Variants in RBFOX1 observed in about 807,000 individuals in gnomAD.
RBFOX1 encodes the protein RNA binding protein fox-1 homolog 1.
Under a neutral mutation model 57.7 loss-of-function variants are expected in RBFOX1, and 8 were observed. The ratio of observed to expected loss-of-function variants is 0.14; its 90% confidence interval spans 0.08 to 0.25. The LOEUF (loss-of-function observed/expected upper bound fraction) is 0.25. RBFOX1 is among the 10% of genes least tolerant of loss of function. The probability of loss-of-function intolerance (pLI) is 1.00; values close to 1 mark genes in which losing one functional copy is unlikely to be tolerated. For missense variants in RBFOX1, 611 were observed against 548.5 expected (o/e 1.11, Z -1.14); for synonymous variants, 326 against 222.4 (o/e 1.47, Z -4.15).
chr16:6,091,604 C>T (rs537564772), intron 1 of RBFOX1, among the ~76,000 whole-genome samples: 46 of 152,104 alleles, frequency 3.0e-4, no homozygotes, highest in African/African-American at 1.0e-3. Flanking sequence ...CTGAGGCAGG[C>T]GGATCACCTG....
intron 4 of RBFOX1, among the ~76,000 whole-genome samples, chr16:7,371,514 A>G (rs4386153): frequency 9.2e-5 from 14 of 152,028 alleles, no homozygotes; most frequent in Admixed American, 9.2e-4. Flanking sequence ...CTCTGGGAGG[A>G]TGAGGCAGGC....
intron 4 of RBFOX1, among the ~76,000 whole-genome samples, chr16:7,494,121 A>G (rs2151622739): frequency 6.6e-6 from 1 of 152,322 alleles, no homozygotes; most frequent in African/African-American, 2.4e-5. Context: ...GCTATAATAG[A>G]TAAAGGTGAG....
rs117024625 is a variant in RBFOX1, at chr16:5,331,886, G to T, written c.219+91781G>T. Among the ~76,000 whole-genome samples the T allele has an allele frequency of 1.4e-3, 214 of 152,354 alleles. 3 individuals are homozygous for T. In the East Asian group the frequency reaches 0.034, roughly 24 times the overall value. On this transcript the variant is annotated intron_variant, in intron 1 of 2. Transcript: ENST00000585867. Reference sequence around the variant, plus strand: ...CCCTGTGTTCCAGTGGGGTCTGCATGTTCTTCCCTTCCATCTAAAAGCCTC... The same window carrying T: ...CCCTGTGTTCCAGTGGGGTCTGCATTTTCTTCCCTTCCATCTAAAAGCCTC...
At chr16:6,560,495 A>G (rs2097166513) in intron 2 of RBFOX1, among the ~76,000 whole-genome samples, 1 of 152,094 alleles carries the variant, frequency 6.6e-6, no homozygotes, top group South Asian at 2.1e-4. Context: ...CTAAGGCTTG[A>G]GAGTAGCCGT....
chr16:7,523,039 C>T (rs1436833701), intron 5 of RBFOX1, among the ~76,000 whole-genome samples: 2 of 152,158 alleles, frequency 1.3e-5, no homozygotes, highest in Non-Finnish European at 2.9e-5. Flanking sequence ...GCTTCTTTTG[C>T]TATAGCTTAA....
chr16:6,841,136 A>C (rs1603631056), intron 3 of RBFOX1, among the ~76,000 whole-genome samples: 2 of 151,918 alleles, frequency 1.3e-5, no homozygotes, highest in African/African-American at 4.8e-5. Context: ...TTCCTTGTAC[A>C]CTCTGGATAT....
intron 3 of RBFOX1, among the ~76,000 whole-genome samples, chr16:5,772,149 G>A (rs920852627): frequency 6.6e-6 from 1 of 152,138 alleles, no homozygotes; most frequent in Admixed American, 6.5e-5. Flanking sequence ...TCCAGCCTGG[G>A]TGACAGAGCA....
At chr16:7,234,404 C>G (rs1461443951) in intron 4 of RBFOX1, among the ~76,000 whole-genome samples, 1 of 152,070 alleles carries the variant, frequency 6.6e-6, no homozygotes, top group Non-Finnish European at 1.5e-5. Flanking sequence ...GTGGGAAAAG[C>G]TAACCTTTGG....
At chr16:6,986,393 T>A (rs995990226) in intron 3 of RBFOX1, among the ~76,000 whole-genome samples, 1 of 151,986 alleles carries the variant, frequency 6.6e-6, no homozygotes, top group African/African-American at 2.4e-5. Flanking sequence ...GAGACGGGGT[T>A]TCACCATGTT....
At chr16:6,619,334 A>G (rs1454236053) in intron 2 of RBFOX1, among the ~76,000 whole-genome samples, 1 of 152,180 alleles carries the variant, frequency 6.6e-6, no homozygotes, top group African/African-American at 2.4e-5. Context: ...TACAAGGGAA[A>G]ACATTCAGTC....
chr16:7,570,047 C>A (rs2092613310), intron 5 of RBFOX1, among the ~76,000 whole-genome samples: 1 of 151,728 alleles, frequency 6.6e-6, no homozygotes, highest in African/African-American at 2.4e-5. Flanking sequence ...GTGTAAAATA[C>A]AAGATTTCAA....
At chr16:6,878,864 T>A (rs545101180) in intron 3 of RBFOX1, among the ~76,000 whole-genome samples, 7 of 139,936 alleles carry the variant, frequency 5.0e-5, no homozygotes, top group African/African-American at 1.9e-4. Flanking sequence ...AGAGAGAAAT[T>A]AACAGCTAAT....
intron 1 of RBFOX1, among the ~76,000 whole-genome samples, chr16:5,462,464 G>A (rs1023744130): frequency 1.3e-5 from 2 of 152,074 alleles, no homozygotes; most frequent in South Asian, 2.1e-4. Context: ...CACCGCGCCC[G>A]GCCGAAACCC....
chr16:6,483,810 G>A, intron 2 of RBFOX1: 4 of 1,362,488 alleles, frequency 2.9e-6, no homozygotes, highest in South Asian at 1.7e-5. Context: ...GTGCGCCTCC[G>A]GGGCTGCTGA....
At chr16:6,806,840 T>TATATATATATATATATA (rs1351406747) in intron 3 of RBFOX1, among the ~76,000 whole-genome samples, 869 of 49,026 alleles carry the variant, frequency 0.018, 4 homozygotes, top group Non-Finnish European at 0.033. Flanking sequence ...ATATATATTT[T>TATATATATATATATATA]TTTTTTTTTT....
At chr16:6,875,211 G>A (rs2061620567) in intron 3 of RBFOX1, among the ~76,000 whole-genome samples, 1 of 152,186 alleles carries the variant, frequency 6.6e-6, no homozygotes, top group South Asian at 2.1e-4. Context: ...TACGGTTGAT[G>A]ATGATGATAT....
intron 1 of RBFOX1, among the ~76,000 whole-genome samples, chr16:6,297,185 T>C (rs1317838312): frequency 6.6e-6 from 1 of 152,136 alleles, no homozygotes; most frequent in Non-Finnish European, 1.5e-5. Context: ...CCGGCTTTCT[T>C]ACTACAACCT....
At chr16:5,942,562 T>C (rs939107437) in intron 4 of RBFOX1, among the ~76,000 whole-genome samples, 1 of 152,228 alleles carries the variant, frequency 6.6e-6, no homozygotes, top group African/African-American at 2.4e-5. Context: ...TAATTATGCC[T>C]ACCTCTTAGC....
chr16:6,789,950 T>G (rs1030109348), intron 3 of RBFOX1, among the ~76,000 whole-genome samples: 1 of 151,736 alleles, frequency 6.6e-6, no homozygotes, highest in African/African-American at 2.4e-5. Flanking sequence ...CCTAACTTAT[T>G]GATTTCTGGT....
Sources: allele counts gnomAD v4.1 joint callset (sites outside exome capture counted in the v4.1 genomes callset), GRCh38; gene constraint gnomAD v4.1.1; transcripts MANE v1.5; gene names NCBI Gene and HGNC (gene_info 2026-07-23, HGNC 2026-07-21).